Variants in OPCML observed in about 807,000 individuals in gnomAD.
OPCML encodes opioid binding protein/cell adhesion molecule like, also known as opioid-binding protein/cell adhesion molecule.
A neutral mutation model predicts 37.8 loss-of-function variants in OPCML; 13 were observed. The ratio of observed to expected loss-of-function variants is 0.34; its 90% confidence interval spans 0.22 to 0.55. The LOEUF (loss-of-function observed/expected upper bound fraction) is 0.55, where lower values mean the gene tolerates loss of function less well. Ranked by LOEUF, OPCML falls within the 20% of genes least tolerant of loss-of-function variation. The pLI, the probability that OPCML is intolerant of heterozygous loss-of-function variation, is 0.91. For missense variants in OPCML, 341 were observed against 435.6 expected (o/e 0.78, Z 1.93); for synonymous variants, 176 against 168.8 (o/e 1.04, Z -0.33).
At chr11:132,757,975 A>T (rs1048585094) in intron 2 of OPCML, among the ~76,000 whole-genome samples, 1 of 152,140 alleles carries the variant, frequency 6.6e-6, no homozygotes, top group Non-Finnish European at 1.5e-5. Flanking sequence ...TAATCTTTGT[A>T]TAAGGTATAA....
At chr11:132,922,920 T>C (rs771324282) in intron 2 of OPCML, among the ~76,000 whole-genome samples, 1 of 151,686 alleles carries the variant, frequency 6.6e-6, no homozygotes, top group Non-Finnish European at 1.5e-5. Flanking sequence ...TTTTGTTTTT[T>C]GTTTTTTTTT....
At chr11:132,964,699 A>T (rs1422963269) in intron 1 of OPCML, among the ~76,000 whole-genome samples, 1 of 152,140 alleles carries the variant, frequency 6.6e-6, no homozygotes. Flanking sequence ...GTGACCTTAC[A>T]GTTGGCACCA....
chr11:132,746,581 C>T (rs1432909475), intron 2 of OPCML, among the ~76,000 whole-genome samples: 1 of 152,158 alleles, frequency 6.6e-6, no homozygotes, highest in Non-Finnish European at 1.5e-5. Flanking sequence ...CGGCCTCACC[C>T]ACGAGACAGT....
intron 1 of OPCML, among the ~76,000 whole-genome samples, chr11:133,099,967 A>T (rs866145687): frequency 3.3e-5 from 5 of 152,194 alleles, no homozygotes; most frequent in Admixed American, 2.6e-4. Context: ...TGGTACATAT[A>T]TACCATGGAA....
intron 1 of OPCML, chr11:133,024,692 G>A (rs1947516485): frequency 1.2e-6 from 1 of 830,062 alleles, no homozygotes; most frequent in African/African-American, 1.8e-5. Context: ...AAAGTGGTGG[G>A]GGATGGGGAG....
At chr11:132,684,697 A>G (rs1943094641) in intron 2 of OPCML, among the ~76,000 whole-genome samples, 1 of 152,216 alleles carries the variant, frequency 6.6e-6, no homozygotes, top group Admixed American at 6.5e-5. Flanking sequence ...TACACAAAGA[A>G]TTAATCAGCA....
At chr11:133,382,679 C>T (rs1026420011) in intron 1 of OPCML, among the ~76,000 whole-genome samples, 34 of 152,260 alleles carry the variant, frequency 2.2e-4, no homozygotes, top group Admixed American at 6.5e-4. Flanking sequence ...ACCTTTAATC[C>T]TGTTTGTTGC....
In OPCML at chr11:132,942,960, C is replaced by G. The variant is rs770676127; in HGVS notation, c.112G>C (p.Val38Leu). 11 of 1,614,108 alleles carry G rather than the reference C, an allele frequency of 6.8e-6. No individual in the cohort carries two copies. The highest frequency in any genetic ancestry group is 1.1e-5 in the South Asian group (1 of 91,084). The change falls in exon 2 of 8, where the codon GTG becomes CTG. Residue 38 changes from valine (V) to leucine (L), a missense_variant. Transcript: ENST00000524381. ...DATFPKAMDN[V>L]TVRQGESATL... ...GCGCTCTCCCCCTGCCGGACCGTCA[C>G]GTTGTCCATAGCTTTGGGGAAGGTG...
intron 2 of OPCML, among the ~76,000 whole-genome samples, chr11:132,892,731 C>T (rs1943699578): frequency 6.6e-6 from 1 of 152,322 alleles, no homozygotes; most frequent in East Asian, 1.9e-4. Flanking sequence ...CATGCCGTTG[C>T]ACTCCAGCCT....
chr11:133,488,477 C>T (rs1355698915), intron 1 of OPCML, among the ~76,000 whole-genome samples: 2 of 151,934 alleles, frequency 1.3e-5, no homozygotes, highest in Admixed American at 6.6e-5. Context: ...TAACCAAGGG[C>T]TAAATCAAGA....
At chr11:132,987,313 C>T (rs1160030326) in intron 1 of OPCML, among the ~76,000 whole-genome samples, 1 of 152,054 alleles carries the variant, frequency 6.6e-6, no homozygotes, top group Non-Finnish European at 1.5e-5. Context: ...ACCTGAGGAG[C>T]CAGGCAATGG....
chr11:132,420,013 C>T lies in OPCML; in HGVS notation c.*180G>A. ...AGAACCCTGCCCACCCCGCCCCCAACCCCACTCATTCAAGCTGGAAATAAA... is the reference window on the plus strand; with the variant it reads ...AGAACCCTGCCCACCCCGCCCCCAATCCCACTCATTCAAGCTGGAAATAAA... On this transcript the variant is annotated 3_prime_UTR_variant, in exon 8 of 8. Transcript: ENST00000524381. The T allele has an allele frequency of 3.8e-6, 1 of 266,626 alleles. No individual in the cohort carries two copies. The highest frequency in any genetic ancestry group is 7.4e-6 in the Non-Finnish European group (1 of 135,866). The allele number at this position is 266,626 out of a possible 1,614,324, so 16.5% of individuals were successfully genotyped here.
intron 2 of OPCML, among the ~76,000 whole-genome samples, chr11:132,682,774 C>G (rs60609567): frequency 3.0e-3 from 459 of 152,298 alleles, no homozygotes; most frequent in Non-Finnish European, 3.4e-3. Context: ...ATCTTTCTCC[C>G]GTTACATAGA....
chr11:133,081,724 C>T (rs1948720126), intron 1 of OPCML, among the ~76,000 whole-genome samples: 1 of 152,118 alleles, frequency 6.6e-6, no homozygotes, highest in African/African-American at 2.4e-5. Context: ...TGGGGTACAT[C>T]AATGGTACTC....
At chr11:132,877,463 G>C (rs946731242) in intron 2 of OPCML, among the ~76,000 whole-genome samples, 1 of 152,220 alleles carries the variant, frequency 6.6e-6, no homozygotes, top group Non-Finnish European at 1.5e-5. Flanking sequence ...GTGGTCACCT[G>C]AAGAGTTCAT....
intron 1 of OPCML, among the ~76,000 whole-genome samples, chr11:133,059,091 G>T (rs1008846743): frequency 6.6e-6 from 1 of 152,196 alleles, no homozygotes; most frequent in Admixed American, 6.5e-5. Context: ...TTTCCAGCAG[G>T]CTGACTCCAT....
intron 2 of OPCML, among the ~76,000 whole-genome samples, chr11:132,908,631 C>T (rs1944322027): frequency 6.6e-6 from 1 of 152,168 alleles, no homozygotes; most frequent in Admixed American, 6.5e-5. Context: ...GGTCACCACC[C>T]CCGGATTGAC....
chr11:132,607,078 C>T (rs2846398), intron 3 of OPCML, among the ~76,000 whole-genome samples: 75,812 of 152,066 alleles, frequency 0.5, 20,225 homozygotes, highest in East Asian at 0.66. Flanking sequence ...ATTAAGTAAG[C>T]GAGTGAAGTT....
At chr11:133,425,175 A>T (rs1437314844) in intron 1 of OPCML, among the ~76,000 whole-genome samples, 1 of 152,212 alleles carries the variant, frequency 6.6e-6, no homozygotes, top group Non-Finnish European at 1.5e-5. Context: ...CTGAACTATT[A>T]TATCACAACT....
Sources: gnomAD v4.1 joint callset for allele counts (sites outside exome capture counted in the v4.1 genomes callset) on GRCh38, gnomAD v4.1.1 for gene constraint, MANE v1.5 for transcripts, NCBI Gene and HGNC (gene_info 2026-07-23, HGNC 2026-07-21) for gene names.